Variants in EIF4G3 observed in about 807,000 individuals in gnomAD.
The protein encoded by EIF4G3 is eIF-4-gamma 3.
EIF4G3 carries 34 observed loss-of-function variants against 186.4 expected under a neutral mutation model. The observed-to-expected ratio is 0.18, with a 90% CI of 0.14 to 0.24. EIF4G3 has a LOEUF of 0.24. EIF4G3 is among the 10% of genes least tolerant of loss of function. EIF4G3 has a pLI of 1.00. For missense variants in EIF4G3, 1,536 were observed against 1,948.5 expected, an observed-to-expected ratio of 0.79 and a Z score of 3.99; for synonymous variants, 673 against 679.5, an observed-to-expected ratio of 0.99 and a Z score of 0.15.
Position 21,103,962 on chromosome 1 carries a change from TG to T in EIF4G3, c.-271-14750del, listed in dbSNP as rs536992942. On this transcript the variant is annotated intron_variant, in intron 2 of 36. Coordinates refer to ENST00000602326, the MANE Select transcript of EIF4G3 (RefSeq NM_001391906.1). Reference sequence around the variant, plus strand: ...CAGGGGTCTTGGAGTCAGACAATCTTGGGTTCCATTTCTAACGTTATCCCTT... The same window carrying T: ...CAGGGGTCTTGGAGTCAGACAATCTTGGTTCCATTTCTAACGTTATCCCTT... 2.7e-4 allele frequency among the ~76,000 whole-genome samples: 41 copies of T among 152,314 alleles called. No individual in the cohort carries two copies. In the Middle Eastern group the frequency reaches 0.01, roughly 38 times the overall value.
At chr1:20,815,355 T>C (rs10916869) in intron 34 of EIF4G3, among the ~76,000 whole-genome samples, 109,269 of 116,678 alleles carry the variant, frequency 0.94, 51,825 homozygotes, top group Middle Eastern at 1. Context: ...TCTGCCCGGC[T>C]GCCATCCCAT....
intron 25 of EIF4G3, among the ~76,000 whole-genome samples, chr1:20,856,171 T>C (rs558296358): frequency 5.3e-4 from 81 of 152,268 alleles, no homozygotes; most frequent in Admixed American, 1.9e-3. Context: ...AAAAGGATCC[T>C]AGCTAATTAC....
intron 33 of EIF4G3, among the ~76,000 whole-genome samples, chr1:20,820,103 T>TCCTGCTCTTTGGAGCAGGCAGGAGC (rs2061964376): frequency 6.6e-6 from 1 of 151,998 alleles, no homozygotes; most frequent in Non-Finnish European, 1.5e-5. Context: ...GACCCAAGCC[T>TCCTGCTCTTTGGAGCAGGCAGGAGC]CCTGCTCTTT....
chr1:20,936,105 C>A (rs1279203424), intron 14 of EIF4G3, among the ~76,000 whole-genome samples: 1 of 152,138 alleles, frequency 6.6e-6, no homozygotes, highest in Non-Finnish European at 1.5e-5. Flanking sequence ...AAGGGACTTG[C>A]CAACAGGCTC....
chr1:21,023,895 C>T lies in EIF4G3; in HGVS notation c.-66-21087G>A, dbSNP rs542388866. 4.8e-3 allele frequency among the ~76,000 whole-genome samples: 660 copies of T among 137,128 alleles called. 5 individuals carry two copies. The highest frequency in any genetic ancestry group is 0.017 in the African/African-American group (629 of 38,036). The allele number at this position is 137,128 out of a possible 152,430, so 90.0% of individuals were successfully genotyped here. A position where few individuals can be genotyped will look rare whatever the true frequency, so the allele number is the denominator to read the frequency against. The stretch of plus-strand genomic sequence containing the variant: ...CGCCCATCGTCTGAGATGTGGGGAG[C>T]GCCTCTGCCCCGCCGCCCCATCTGG... On this transcript the variant is annotated intron_variant, in intron 4 of 36. Transcript: ENST00000602326.
chr1:21,091,174 T>G lies in EIF4G3; in HGVS notation c.-271-1961A>C, dbSNP rs562595967. ...ATTTTTTATTTTTTGAGACAGAGTC[T>G]CGCTCTGTCACCCAGGCTGGAGTTC... On this transcript the variant is annotated intron_variant, in intron 2 of 36. Transcript: ENST00000602326. Among the ~76,000 whole-genome samples the G allele has an allele frequency of 3.9e-3, 593 of 152,244 alleles. 1 individual carries two copies. The highest frequency in any genetic ancestry group is 6.1e-3 in the Non-Finnish European group (418 of 68,008).
intron 2 of EIF4G3, among the ~76,000 whole-genome samples, chr1:21,135,404 G>A (rs894558016): frequency 2.6e-5 from 4 of 152,184 alleles, no homozygotes; most frequent in African/African-American, 9.7e-5. Flanking sequence ...GAGAGGCTGA[G>A]GCAGGAGAAT....
At chr1:21,095,514 T>C (rs759068315) in intron 2 of EIF4G3, among the ~76,000 whole-genome samples, 5 of 152,126 alleles carry the variant, frequency 3.3e-5, no homozygotes, top group Non-Finnish European at 7.3e-5. Flanking sequence ...TGTCTCCCTA[T>C]ATTGCCCAGG....
intron 2 of EIF4G3, among the ~76,000 whole-genome samples, chr1:21,132,400 G>A (rs1013695538): frequency 7.2e-5 from 11 of 152,076 alleles, no homozygotes; most frequent in African/African-American, 2.7e-4. Flanking sequence ...ATTAAAAAAA[G>A]AAAAGGTTCT....
intron 2 of EIF4G3, among the ~76,000 whole-genome samples, chr1:21,116,042 G>A (rs1486694237): frequency 6.6e-6 from 1 of 151,854 alleles, no homozygotes; most frequent in Non-Finnish European, 1.5e-5. Flanking sequence ...GGATACCCAG[G>A]GCCTTGTATA....
intron 2 of EIF4G3, among the ~76,000 whole-genome samples, chr1:21,103,734 C>CTTGGG (rs1193353383): frequency 2.6e-5 from 4 of 152,234 alleles, no homozygotes; most frequent in African/African-American, 9.6e-5. Flanking sequence ...GTCCCAGCTA[C>CTTGGG]TTGGGAGGCT....
At position 20,869,307 on chromosome 1, in the gene EIF4G3, T is replaced by A. The variant is rs957573222; in HGVS notation, c.2623-4045A>T. ...TTCTAGAGGATAGTTTACTTTAAAA[T>A]TTTTTTTTTTTTTTTTTTTTTTTGG... is the stretch of plus-strand genomic sequence containing the variant. On this transcript the variant is annotated intron_variant, in intron 20 of 36. Coordinates refer to ENST00000602326, the MANE Select transcript of EIF4G3 (RefSeq NM_001391906.1). Among the ~76,000 whole-genome samples, 10 of 84,608 alleles carry A rather than the reference T, an allele frequency of 1.2e-4. No homozygotes were observed. The East Asian group carries it at 2.3e-3, about 20-fold the overall frequency. The allele number at this position is 84,608 out of a possible 152,430, so 55.5% of individuals were successfully genotyped here. A position where few individuals can be genotyped will look rare whatever the true frequency, so the allele number is the denominator to read the frequency against.
chr1:20,865,877 T>A (rs945068067), intron 20 of EIF4G3, among the ~76,000 whole-genome samples: 1 of 150,812 alleles, frequency 6.6e-6, no homozygotes, highest in African/African-American at 2.4e-5. Flanking sequence ...GGAAGCAAGA[T>A]CCTTACAAGG....
chr1:21,029,121 G>A (rs1317939193), intron 4 of EIF4G3, among the ~76,000 whole-genome samples: 3 of 152,098 alleles, frequency 2.0e-5, no homozygotes, highest in Non-Finnish European at 2.9e-5. Context: ...AGGTCCAAGC[G>A]ATTCTCATGC....
rs778609740 is a variant in EIF4G3, at chr1:20,864,520, G to A, written c.2962C>T (p.Leu988=). 2.5e-6 allele frequency: 4 copies of A among 1,614,208 alleles called. No homozygotes were observed. The highest frequency in any genetic ancestry group is 3.4e-6 in the Non-Finnish European group (4 of 1,180,032). The change falls in exon 22 of 37, where the codon CTG becomes TTG. Residue 988 remains leucine (L), a synonymous_variant. Transcript: ENST00000602326. ...AAGTCTTTGCCAATGGTGGTGAGCA[G>A]GCGACACAGGCACTCCAGGGATTCT... is the stretch of plus-strand genomic sequence containing the variant. ...DEESLECLCR[L]LTTIGKDLDF...
intron 14 of EIF4G3, among the ~76,000 whole-genome samples, chr1:20,935,197 G>GCTA (rs1311075906): frequency 6.6e-6 from 1 of 152,196 alleles, no homozygotes; most frequent in African/African-American, 2.4e-5. Flanking sequence ...AAAGGAAGGG[G>GCTA]CTGTAATTCT....
At chr1:21,174,551 G>A (rs189367595) in intron 2 of EIF4G3, among the ~76,000 whole-genome samples, 1 of 152,156 alleles carries the variant, frequency 6.6e-6, no homozygotes, top group East Asian at 1.9e-4. Context: ...AGTCCTAACC[G>A]AGTATAGGCA....
intron 12 of EIF4G3, among the ~76,000 whole-genome samples, chr1:20,964,457 C>A (rs1426920870): frequency 6.6e-6 from 1 of 152,162 alleles, no homozygotes; most frequent in Non-Finnish European, 1.5e-5. Flanking sequence ...GATACAAAAT[C>A]TCTACTAGCT....
intron 17 of EIF4G3, among the ~76,000 whole-genome samples, chr1:20,894,981 A>G (rs112555776): frequency 1.3e-5 from 2 of 152,304 alleles, no homozygotes; most frequent in African/African-American, 4.8e-5. Context: ...ATACCTTCCT[A>G]GATTTCTGAC....
Sources: allele counts gnomAD v4.1 joint callset (sites outside exome capture counted in the v4.1 genomes callset), GRCh38; gene constraint gnomAD v4.1.1; transcripts MANE v1.5; gene names NCBI Gene and HGNC (gene_info 2026-07-23, HGNC 2026-07-21).